PVT1: variants seen among roughly 807,000 people sequenced by gnomAD.
The protein encoded by PVT1 is CXCR4/PVT1 fusion.
intron 4 of PVT1, among the ~76,000 whole-genome samples, chr8:128,034,640 G>A (rs758698832): frequency 1.4e-4 from 22 of 152,274 alleles, no homozygotes; most frequent in Non-Finnish European, 2.2e-4. Flanking sequence ...TACAAGCAGG[G>A]GCACCCTTAG....
In PVT1 at chr8:127,866,846, A is replaced by G. The variant is rs113745771; in HGVS notation, n.373-23743A>G. Reference sequence around the variant, plus strand: ...TGCCTCCCATCTGCCGACCCTCCGCAGATGCTACACATTATGCCAGGTAAA... The same window carrying G: ...TGCCTCCCATCTGCCGACCCTCCGCGGATGCTACACATTATGCCAGGTAAA... On this transcript the variant is annotated intron_variant and non_coding_transcript_variant, in intron 2 of 10. Transcript: ENST00000651587. Among the ~76,000 whole-genome samples, 1,300 of 152,170 alleles carry G rather than the reference A, an allele frequency of 8.5e-3. 16 individuals are homozygous for G. The highest frequency in any genetic ancestry group is 0.011 in the Non-Finnish European group (738 of 67,976).
intron 4 of PVT1, among the ~76,000 whole-genome samples, chr8:128,030,197 T>C (rs926986291): frequency 1.3e-5 from 2 of 152,226 alleles, no homozygotes; most frequent in African/African-American, 2.4e-5. Flanking sequence ...TGCATACCCC[T>C]ACACACACTA....
chr8:127,876,997 A>C (rs1466466611), intron 2 of PVT1, among the ~76,000 whole-genome samples: 1 of 152,204 alleles, frequency 6.6e-6, no homozygotes, highest in Non-Finnish European at 1.5e-5. Flanking sequence ...CCGGAAGCCC[A>C]GCTAATCCAG....
At chr8:127,844,005 C>A (rs148173720) in intron 2 of PVT1, among the ~76,000 whole-genome samples, 6,595 of 150,850 alleles carry the variant, frequency 0.044, 514 homozygotes, top group African/African-American at 0.15. Flanking sequence ...TTTTTTGAGA[C>A]GGAGTCTTGC....
intron 4 of PVT1, among the ~76,000 whole-genome samples, chr8:128,040,173 A>T (rs4733591): frequency 0.32 from 48,138 of 152,098 alleles, 7,917 homozygotes; most frequent in East Asian, 0.49. Flanking sequence ...ACCAGTTGAG[A>T]TGTCACATGG....
chr8:128,008,240 T>A (rs1586478975), intron 4 of PVT1, among the ~76,000 whole-genome samples: 1 of 152,334 alleles, frequency 6.6e-6, no homozygotes, highest in East Asian at 1.9e-4. Flanking sequence ...GAAATTTTGT[T>A]TACGTGGATT....
chr8:127,925,750 T>G (rs1816122455), intron 3 of PVT1, among the ~76,000 whole-genome samples: 1 of 152,106 alleles, frequency 6.6e-6, no homozygotes, highest in Non-Finnish European at 1.5e-5. Flanking sequence ...CAAGCGATTC[T>G]CCTGCCTCAG....
intron 4 of PVT1, among the ~76,000 whole-genome samples, chr8:128,020,568 C>A (rs560809001): frequency 2.0e-5 from 3 of 152,274 alleles, no homozygotes; most frequent in East Asian, 3.9e-4. Context: ...CTGCAGGGAA[C>A]TGAATTCAGC....
At position 128,013,086 on chromosome 8, in the gene PVT1, C is replaced by T. The variant is rs547456738; in HGVS notation, n.912+23795C>T. Among the ~76,000 whole-genome samples the T allele has an allele frequency of 2.0e-5, 3 of 152,254 alleles. No individual in the cohort carries two copies. In the South Asian group the frequency reaches 6.2e-4, roughly 32 times the overall value. On this transcript the variant is annotated intron_variant and non_coding_transcript_variant, in intron 4 of 10. Coordinates refer to ENST00000651587, the Ensembl canonical transcript of PVT1. The stretch of plus-strand genomic sequence containing the variant: ...TTCATTCCTTCTTCCCTGAAGCCAT[C>T]CTGATTTGAGGTCATAGTCTATGGG...
At chr8:128,082,025 C>T (rs185758425) in intron 5 of PVT1, among the ~76,000 whole-genome samples, 3 of 152,234 alleles carry the variant, frequency 2.0e-5, no homozygotes, top group South Asian at 2.1e-4. Flanking sequence ...AGCCCAAAGA[C>T]GCCCAAAATG....
chr8:127,877,564 A>C (rs1815419539), intron 2 of PVT1, among the ~76,000 whole-genome samples: 2 of 151,766 alleles, frequency 1.3e-5, no homozygotes, highest in South Asian at 4.2e-4. Context: ...GCTTCCCTGA[A>C]CTCCACACCG....
At chr8:127,931,111 G>A (rs6984253) in intron 3 of PVT1, among the ~76,000 whole-genome samples, 3,254 of 152,178 alleles carry the variant, frequency 0.021, 129 homozygotes, top group African/African-American at 0.075. Flanking sequence ...TCACTATGTT[G>A]CCCACGCTGG....
At chr8:127,901,840 G>A (rs28595490) in intron 3 of PVT1, among the ~76,000 whole-genome samples, 4,945 of 151,602 alleles carry the variant, frequency 0.033, 283 homozygotes, top group African/African-American at 0.11. Context: ...GAGCTCAAGC[G>A]ATCCTCCTGC....
At chr8:127,984,174 C>T (rs777913626) in intron 3 of PVT1, 8 of 152,120 alleles carry the variant, frequency 5.3e-5, no homozygotes, top group Non-Finnish European at 1.2e-4. Context: ...TCACCGCACC[C>T]GGACGACTCT....
rs373953684 is a variant in PVT1, at chr8:127,865,657, A to G, written n.373-24932A>G. Among the ~76,000 whole-genome samples, 34 of 152,346 alleles carry G rather than the reference A, an allele frequency of 2.2e-4. 1 individual carries two copies. The East Asian group carries it at 2.9e-3, about 13-fold the overall frequency. On this transcript the variant is annotated intron_variant and non_coding_transcript_variant, in intron 2 of 10. Coordinates refer to ENST00000651587, the Ensembl canonical transcript of PVT1. ...ACTCCCCCAGAGCCTCCAGGAAGGA[A>G]CACAGTCCTGCTAACACTCAGTGAG...
intron 3 of PVT1, among the ~76,000 whole-genome samples, chr8:127,957,715 C>T (rs2129938665): frequency 6.6e-6 from 1 of 152,352 alleles, no homozygotes; most frequent in South Asian, 2.1e-4. Context: ...TTCAGGCCTT[C>T]CCGGTCCTGG....
intron 2 of PVT1, among the ~76,000 whole-genome samples, chr8:127,827,067 C>T (rs1341623060): frequency 7.5e-6 from 1 of 132,586 alleles, no homozygotes; most frequent in Admixed American, 9.4e-5. Flanking sequence ...ACCATCTTGG[C>T]TCACCGTAAT....
At chr8:127,800,208 T>C (rs901950085) in intron 2 of PVT1, among the ~76,000 whole-genome samples, 1 of 152,202 alleles carries the variant, frequency 6.6e-6, no homozygotes, top group African/African-American at 2.4e-5. Flanking sequence ...TCTTTTTTTT[T>C]CTGGTGCATT....
intron 3 of PVT1, among the ~76,000 whole-genome samples, chr8:127,973,492 T>G (rs1816787213): frequency 6.6e-6 from 1 of 152,082 alleles, no homozygotes; most frequent in Non-Finnish European, 1.5e-5. Context: ...AGAACTAGAC[T>G]TAGGTCCCCT....
Sources: gnomAD v4.1 joint callset for allele counts (sites outside exome capture counted in the v4.1 genomes callset) on GRCh38, gnomAD v4.1.1 for gene constraint, MANE v1.5 for transcripts, NCBI Gene and HGNC (gene_info 2026-07-23, HGNC 2026-07-21) for gene names.